Variants in CSMD2 observed in about 807,000 individuals in gnomAD.
The protein encoded by CSMD2 is CUB and Sushi multiple domains 2.
Under a neutral mutation model 398.5 loss-of-function variants are expected in CSMD2, and 130 were observed. That is an observed-to-expected ratio of 0.33 (90% CI 0.28 to 0.38). CSMD2 has a LOEUF of 0.38. CSMD2 is among the 10% of genes least tolerant of loss of function. The pLI is 1.00. For missense variants in CSMD2, 3,829 were observed against 4,764.9 expected (o/e 0.80, Z 5.78); for synonymous variants, 1,828 against 1,908.5 (o/e 0.96, Z 1.10).
At chr1:33,908,085 C>CAAAAA (rs35932181) in intron 5 of CSMD2, among the ~76,000 whole-genome samples, 364 of 73,972 alleles carry the variant, frequency 4.9e-3, no homozygotes, top group Middle Eastern at 8.8e-3. Flanking sequence ...GACTCCATCT[C>CAAAAA]AAAAAAAAAA....
Position 34,076,925 on chromosome 1 carries a change from AAAAATATAT to A in CSMD2, c.404+12043_404+12051del, listed in dbSNP as rs1226604865. ...ACAGCAAAGCAAAAAAAAAAAAAAA[AAAAATATAT>A]ATATATATATATATATATATATAGA... On this transcript the variant is annotated intron_variant, in intron 2 of 70. Coordinates refer to ENST00000373381, the MANE Select transcript of CSMD2 (RefSeq NM_001281956.2). Among the ~76,000 whole-genome samples, 313 of 112,518 alleles carry A rather than the reference AAAAATATAT, an allele frequency of 2.8e-3. 1 individual carries two copies. Among genetic ancestry groups the A allele is most frequent in the African/African-American group, 0.011 (272 of 25,072 alleles). The allele number at this position is 112,518 out of a possible 152,430, so 73.8% of individuals were successfully genotyped here.
intron 42 of CSMD2, 53 bp from the exon 43 acceptor site, chr1:33,602,599 A>G (rs1640304478): frequency 7.2e-7 from 1 of 1,395,052 alleles, no homozygotes; most frequent in East Asian, 2.5e-5. Flanking sequence ...CCCACCTGAG[A>G]ATTCAGATGC....
At chr1:33,645,702 C>A (rs1033998655) in intron 29 of CSMD2, among the ~76,000 whole-genome samples, 1 of 152,218 alleles carries the variant, frequency 6.6e-6, no homozygotes, top group African/African-American at 2.4e-5. Context: ...CAAGGACTTT[C>A]ATGTGTGGAC....
At chr1:33,713,779 C>A (rs1478330723) in intron 21 of CSMD2, among the ~76,000 whole-genome samples, 1 of 152,160 alleles carries the variant, frequency 6.6e-6, no homozygotes, top group Non-Finnish European at 1.5e-5. Flanking sequence ...TCTGTTCCCT[C>A]TTCTCCCAGA....
At chr1:33,846,174 G>C (rs1170498593) in intron 6 of CSMD2, among the ~76,000 whole-genome samples, 1 of 152,194 alleles carries the variant, frequency 6.6e-6, no homozygotes, top group Admixed American at 6.5e-5. Flanking sequence ...ACAGCTCCTT[G>C]CTTCTGGGTT....
chr1:34,121,243 G>C (rs541246717), intron 1 of CSMD2, among the ~76,000 whole-genome samples: 12 of 152,314 alleles, frequency 7.9e-5, no homozygotes, highest in Middle Eastern at 3.4e-3. Context: ...GGAGAGGGAG[G>C]AAGACATGTA....
At chr1:33,765,700 A>G (rs1232104861) in intron 13 of CSMD2, among the ~76,000 whole-genome samples, 1 of 152,250 alleles carries the variant, frequency 6.6e-6, no homozygotes, top group Non-Finnish European at 1.5e-5. Flanking sequence ...TTATATAGAA[A>G]TGTAAGACAA....
intron 5 of CSMD2, among the ~76,000 whole-genome samples, chr1:33,914,780 G>A (rs933894940): frequency 1.3e-5 from 2 of 152,152 alleles, no homozygotes; most frequent in South Asian, 2.1e-4. Flanking sequence ...TGTGCTCCCC[G>A]CACCTTATCT....
At chr1:33,878,772 A>G (rs998142867) in intron 5 of CSMD2, among the ~76,000 whole-genome samples, 1 of 152,174 alleles carries the variant, frequency 6.6e-6, no homozygotes, top group African/African-American at 2.4e-5. Context: ...TACTATTGAG[A>G]TATGACCTTT....
At chr1:33,651,325 T>C (rs917137258) in intron 28 of CSMD2, among the ~76,000 whole-genome samples, 1 of 152,220 alleles carries the variant, frequency 6.6e-6, no homozygotes, top group Non-Finnish European at 1.5e-5. Context: ...CAGGTGTCAA[T>C]GCCAGCCCCA....
intron 3 of CSMD2, among the ~76,000 whole-genome samples, chr1:34,004,773 T>G (rs924318517): frequency 6.6e-6 from 1 of 152,122 alleles, no homozygotes. Context: ...CAAGTATTCC[T>G]ATGGCCTGGT....
chr1:34,106,211 G>C (rs1011257693), intron 1 of CSMD2, among the ~76,000 whole-genome samples: 2 of 152,118 alleles, frequency 1.3e-5, no homozygotes, highest in African/African-American at 2.4e-5. Context: ...CCATCTCCAC[G>C]TGACAAGTGG....
In CSMD2 at chr1:34,164,788, G is replaced by A; in HGVS notation, c.187+123C>T. 5 of 862,980 alleles carry A rather than the reference G, an allele frequency of 5.8e-6. No homozygotes were observed. Among genetic ancestry groups the A allele is most frequent in the African/African-American group, 1.8e-5 (1 of 55,930 alleles). The allele number at this position is 862,980 out of a possible 1,614,324, so 53.5% of individuals were successfully genotyped here. A position where few individuals can be genotyped will look rare whatever the true frequency, so the allele number is the denominator to read the frequency against. ...GAGAATGAGAGTAGGCAACTGGGAGGGTGGGAGATTCAGGCAGGGATAGAG... is the reference window on the plus strand; with the variant it reads ...GAGAATGAGAGTAGGCAACTGGGAGAGTGGGAGATTCAGGCAGGGATAGAG... On this transcript the variant is annotated intron_variant, in intron 1 of 70. Transcript: ENST00000373381. The surrounding 1 kb of genome is among the most constrained non-coding windows in gnomAD (Gnocchi z 6.2).
chr1:33,922,366 G>C (rs1434857499), intron 4 of CSMD2, among the ~76,000 whole-genome samples: 5 of 152,142 alleles, frequency 3.3e-5, no homozygotes, highest in Non-Finnish European at 7.4e-5. Context: ...AACATTAGAG[G>C]GGGAGGGAGT....
chr1:33,742,577 G>GCCCC (rs143715572), intron 14 of CSMD2, among the ~76,000 whole-genome samples: 10 of 94,946 alleles, frequency 1.1e-4, no homozygotes, highest in African/African-American at 1.5e-4. Context: ...CCAAGCTTCT[G>GCCCC]CCCCCCCCCC....
chr1:33,829,889 C>T (rs56202438), intron 6 of CSMD2, among the ~76,000 whole-genome samples: 69,189 of 152,024 alleles, frequency 0.46, 16,274 homozygotes, highest in East Asian at 0.65. Flanking sequence ...CCTACGCCCA[C>T]GGAGTGTCGC....
At chr1:33,672,146 G>T (rs12410055) in intron 25 of CSMD2, among the ~76,000 whole-genome samples, 3 of 152,036 alleles carry the variant, frequency 2.0e-5, no homozygotes, top group Non-Finnish European at 4.4e-5. Flanking sequence ...GCAGTGCACC[G>T]TGTGTGAGCC....
At chr1:34,103,522 T>TTTC (rs1218248223) in intron 1 of CSMD2, among the ~76,000 whole-genome samples, 18 of 152,130 alleles carry the variant, frequency 1.2e-4, no homozygotes, top group Non-Finnish European at 2.2e-4. Context: ...ATGGTCTTGA[T>TTTC]CTGACCTTGC....
At chr1:33,999,505 C>CT (rs1646831255) in intron 3 of CSMD2, among the ~76,000 whole-genome samples, 1 of 152,154 alleles carries the variant, frequency 6.6e-6, no homozygotes, top group African/African-American at 2.4e-5. Flanking sequence ...AAGGGATCCT[C>CT]TTGCCTCAGC....
Sources: gnomAD v4.1 joint callset for allele counts (sites outside exome capture counted in the v4.1 genomes callset) on GRCh38, gnomAD v4.1.1 for gene constraint, Gnocchi (gnomAD v3.1) non-coding constraint, MANE v1.5 for transcripts, NCBI Gene and HGNC (gene_info 2026-07-23, HGNC 2026-07-21) for gene names.